The following DEPDC5 variants were observed in gnomAD, a reference collection of about 807,000 sequenced individuals.
DEPDC5 encodes DEP domain containing 5, GATOR1 subcomplex subunit, also known as GATOR1 complex protein DEPDC5.
DEPDC5 carries 73 observed loss-of-function variants against 217.3 expected under a neutral mutation model. The ratio of observed to expected loss-of-function variants is 0.34; its 90% CI spans 0.28 to 0.41. DEPDC5 has a LOEUF of 0.41. Ranked by LOEUF, DEPDC5 falls within the 10% of genes least tolerant of loss-of-function variation. The pLI, the probability that DEPDC5 is intolerant of heterozygous loss-of-function variation, is 1.00. For missense variants in DEPDC5, 1,675 were observed against 2,070.1 expected, an observed-to-expected ratio of 0.81 and a Z score of 3.70; for synonymous variants, 733 against 756.7, an observed-to-expected ratio of 0.97 and a Z score of 0.51.
At chr22:31,851,599 C>T (rs2092030232) in intron 31 of DEPDC5, among the ~76,000 whole-genome samples, 1 of 152,142 alleles carries the variant, frequency 6.6e-6, no homozygotes, top group African/African-American at 2.4e-5. Flanking sequence ...GTGTGCCATG[C>T]CTGGCACATA....
chr22:31,812,147 C>T (rs977821559), intron 20 of DEPDC5, among the ~76,000 whole-genome samples: 1 of 151,844 alleles, frequency 6.6e-6, no homozygotes, highest in African/African-American at 2.4e-5. Context: ...CACCACCACA[C>T]TCGGCTAATT....
At position 31,870,601 on chromosome 22, in the gene DEPDC5, C is replaced by T. The variant is rs774805884; in HGVS notation, c.3342C>T (p.Asp1114=). The T allele has an allele frequency of 5.7e-5, 88 of 1,535,264 alleles. No homozygotes were observed. The African/African-American group carries it at 1.1e-3, about 19-fold the overall frequency. ...TAAATCTCCTGCAGGTATCTGTGGA[C>T]CAAACAGCCACTCCTATGTTGGACG... is the stretch of plus-strand genomic sequence containing the variant. ...SSAFYPQVSV[D]QTATPMLDGT... is the part of the protein sequence containing the mutation. Residue 1114 remains aspartate, a synonymous_variant, in exon 34 of 43, where the codon GAC becomes GAT. Coordinates refer to ENST00000651528, the MANE Select transcript of DEPDC5 (RefSeq NM_001242896.3).
intron 31 of DEPDC5, among the ~76,000 whole-genome samples, chr22:31,856,042 G>A (rs2092276501): frequency 6.6e-6 from 1 of 151,848 alleles, no homozygotes; most frequent in South Asian, 2.1e-4. Flanking sequence ...GGAGAGATGG[G>A]GAAGAAACCG....
intron 33 of DEPDC5, among the ~76,000 whole-genome samples, chr22:31,863,276 C>T (rs1041307795): frequency 4.6e-5 from 7 of 152,240 alleles, no homozygotes; most frequent in Admixed American, 1.3e-4. Context: ...AAGCATTTCT[C>T]TTGCCTCAGC....
chr22:31,764,871 A>G, intron 4 of DEPDC5, 104 bp from the exon 5 acceptor site: 1 of 784,926 alleles, frequency 1.3e-6, no homozygotes, highest in Admixed American at 2.0e-5. Flanking sequence ...CCCGTGTCAG[A>G]TGATCAATTG....
At chr22:31,853,764 G>A (rs890201206) in intron 31 of DEPDC5, among the ~76,000 whole-genome samples, 7 of 152,178 alleles carry the variant, frequency 4.6e-5, no homozygotes, top group African/African-American at 9.7e-5. Flanking sequence ...GCAGGTGCTG[G>A]CCAGTGGGCT....
chr22:31,819,678 T>C (rs1330657536), intron 22 of DEPDC5, among the ~76,000 whole-genome samples: 1 of 151,844 alleles, frequency 6.6e-6, no homozygotes, highest in Non-Finnish European at 1.5e-5. Context: ...CCATGTTGCC[T>C]AGGCTGGTCT....
chr22:31,792,890 G>T (rs992019831), intron 12 of DEPDC5, 73 bp downstream of exon 12: 3 of 1,322,418 alleles, frequency 2.3e-6, no homozygotes, highest in African/African-American at 3.1e-5. Flanking sequence ...AAATAAGTCA[G>T]CCTGGGCAAC....
chr22:31,851,450 C>T (rs559745929), intron 31 of DEPDC5, among the ~76,000 whole-genome samples: 1 of 152,302 alleles, frequency 6.6e-6, no homozygotes, highest in African/African-American at 2.4e-5. Flanking sequence ...CTCTCCACCT[C>T]ACAGCTAGAT....
At chr22:31,764,042 G>C in intron 4 of DEPDC5, among the ~76,000 whole-genome samples, 1 of 151,908 alleles carries the variant, frequency 6.6e-6, no homozygotes, top group African/African-American at 2.4e-5. Flanking sequence ...CAATTCTCCT[G>C]CCTCTGCCTC....
chr22:31,797,554 C>G (rs1395453935), intron 12 of DEPDC5, 46 bp from the exon 13 acceptor site: 2 of 1,521,222 alleles, frequency 1.3e-6, no homozygotes. Flanking sequence ...CAGAGCCAAA[C>G]CATATCAGCT....
chr22:31,795,811 A>G (rs1029634172), intron 12 of DEPDC5, among the ~76,000 whole-genome samples: 10 of 149,832 alleles, frequency 6.7e-5, no homozygotes, highest in Non-Finnish European at 1.5e-4. Context: ...GCTCACTGCA[A>G]CCTCCGCCTC....
In DEPDC5 at chr22:31,843,143, G is replaced by C. The variant is rs1378396545; in HGVS notation, c.2564G>C (p.Ser855Thr). Residue 855 changes from serine (S) to threonine (T), a missense_variant, in exon 28 of 43, where the codon AGT becomes ACT. Physicochemically the swap from Ser to Thr is moderately conservative, Grantham distance 58. This residue lies in a region of DEPDC5 where 293 missense variants were observed against 386.1 expected (regional missense o/e 0.76). Transcript: ENST00000651528. ...RPEEEDQYWL[S>T]MGRTFHKVTL... ...GAGGAGGAGGACCAGTATTGGCTGA[G>C]TATGGGCAGAACGTTCCACAAAGTG... is the stretch of plus-strand genomic sequence containing the variant. 2 of 1,614,066 alleles carry C rather than the reference G, an allele frequency of 1.2e-6. No homozygotes were observed. Among genetic ancestry groups the C allele is most frequent in the African/African-American group, 2.7e-5 (2 of 74,924 alleles).
intron 4 of DEPDC5, among the ~76,000 whole-genome samples, chr22:31,763,635 T>G (rs941463287): frequency 8.6e-5 from 13 of 151,506 alleles, no homozygotes; most frequent in Non-Finnish European, 1.6e-4. Context: ...TTTTTTTAAT[T>G]TTTGCTCAGG....
chr22:31,803,548 C>A (rs1247801691), intron 15 of DEPDC5, among the ~76,000 whole-genome samples: 1 of 152,100 alleles, frequency 6.6e-6, no homozygotes, highest in African/African-American at 2.4e-5. Flanking sequence ...ATCAGGTCAT[C>A]TAGTCCAGTC....
At chr22:31,872,649 G>A (rs2092878824) in intron 34 of DEPDC5, among the ~76,000 whole-genome samples, 1 of 152,178 alleles carries the variant, frequency 6.6e-6, no homozygotes, top group Non-Finnish European at 1.5e-5. Context: ...GTTGGGCCTT[G>A]GGCCTGAGGA....
chr22:31,874,816 A>G (rs1049208282), intron 36 of DEPDC5, among the ~76,000 whole-genome samples: 1 of 152,144 alleles, frequency 6.6e-6, no homozygotes, highest in East Asian at 1.9e-4. Context: ...ACTCTGTCAG[A>G]GCTCTTAGCA....
chr22:31,775,722 C>A (rs2083766383), intron 7 of DEPDC5, among the ~76,000 whole-genome samples: 1 of 152,018 alleles, frequency 6.6e-6, no homozygotes. Context: ...ACAGTTTCCC[C>A]ACATTATCTG....
At chr22:31,847,614 C>T (rs2091816656) in intron 31 of DEPDC5, among the ~76,000 whole-genome samples, 1 of 152,168 alleles carries the variant, frequency 6.6e-6, no homozygotes, top group Admixed American at 6.5e-5. Flanking sequence ...TGAGAACTCA[C>T]TATCATGAGA....
Sources: allele counts gnomAD v4.1 joint callset (sites outside exome capture counted in the v4.1 genomes callset), GRCh38; gene constraint gnomAD v4.1.1; regional missense constraint gnomAD v4.1.1; transcripts MANE v1.5; gene names NCBI Gene and HGNC (gene_info 2026-07-23, HGNC 2026-07-21).